TCF7L2: variants seen among roughly 807,000 people sequenced by gnomAD.
TCF7L2 encodes transcription factor 7 like 2.
A neutral mutation model predicts 77.9 loss-of-function variants in TCF7L2; 23 were observed. The ratio of observed to expected loss-of-function variants is 0.30; its 90% CI spans 0.21 to 0.42. The LOEUF (loss-of-function observed/expected upper bound fraction) is 0.42, where lower values mean the gene tolerates loss of function less well. Ranked by LOEUF, TCF7L2 falls within the 10% of genes least tolerant of loss-of-function variation. The pLI is 1.00. For missense variants in TCF7L2, 654 were observed against 793.1 expected (o/e 0.82, Z 2.11); for synonymous variants, 413 against 340.2 (o/e 1.21, Z -2.36).
intron 4 of TCF7L2, among the ~76,000 whole-genome samples, chr10:113,029,236 T>A (rs987193269): frequency 1.3e-5 from 2 of 152,208 alleles, no homozygotes; most frequent in African/African-American, 4.8e-5. Flanking sequence ...TCTGTTGTTT[T>A]TTAGCCACAT....
chr10:113,089,493 A>T, intron 5 of TCF7L2: 1 of 1,613,920 alleles, frequency 6.2e-7, no homozygotes, highest in Non-Finnish European at 8.5e-7. Context: ...CAGGGACATG[A>T]AAAGGAGCCA....
chr10:112,965,449 A>C (rs1433532102), intron 4 of TCF7L2, among the ~76,000 whole-genome samples: 1 of 152,092 alleles, frequency 6.6e-6, no homozygotes, highest in African/African-American at 2.4e-5. Context: ...AAACTTCTTG[A>C]GTGTTCTGGC....
rs760599810 is a variant in TCF7L2, at chr10:113,165,980, G to A, written c.*8G>A. 2.1e-5 allele frequency: 31 copies of A among 1,492,956 alleles called. No individual in the cohort carries two copies. Among genetic ancestry groups the A allele is most frequent in the Non-Finnish European group, 2.7e-5 (30 of 1,119,810 alleles). 92.5% of individuals were successfully genotyped at this position (1,492,956 alleles called of 1,614,324 possible). On this transcript the variant is annotated 3_prime_UTR_variant, in exon 14 of 14. Transcript: ENST00000627217. ...ACCAAGTCTTTAGAATAGCTTTAGC[G>A]TCGTGAACCCCGCTGCTTTGTTTAT...
intron 5 of TCF7L2, among the ~76,000 whole-genome samples, chr10:113,099,725 A>G (rs958551359): frequency 2.0e-5 from 3 of 152,194 alleles, no homozygotes; most frequent in Non-Finnish European, 2.9e-5. Flanking sequence ...TGGGGAAGGT[A>G]ACAGCCATCG....
At chr10:113,099,186 A>G (rs1189531119) in intron 5 of TCF7L2, among the ~76,000 whole-genome samples, 2 of 88,574 alleles carry the variant, frequency 2.3e-5, no homozygotes, top group Non-Finnish European at 6.3e-5. Context: ...ACAGTGGCCA[A>G]AGAAAAAAAT....
chr10:113,063,690 C>T (rs2056833070), intron 5 of TCF7L2, among the ~76,000 whole-genome samples: 1 of 152,132 alleles, frequency 6.6e-6, no homozygotes, highest in Non-Finnish European at 1.5e-5. Context: ...AACCCCCACA[C>T]CCGGGTGATT....
At chr10:113,079,087 G>T (rs1279542552) in intron 5 of TCF7L2, among the ~76,000 whole-genome samples, 1 of 152,118 alleles carries the variant, frequency 6.6e-6, no homozygotes, top group Non-Finnish European at 1.5e-5. Flanking sequence ...ACCCATCCTG[G>T]CCTCCCAAAG....
chr10:113,089,630 C>T, intron 5 of TCF7L2: 1 of 1,475,064 alleles, frequency 6.8e-7, no homozygotes. Flanking sequence ...AGGGCAGGGC[C>T]CATCCACTGC....
chr10:113,031,480 C>CT lies in TCF7L2; in HGVS notation c.451-8526dup, dbSNP rs57567068. Reference sequence around the variant, plus strand: ...CAGCAAGGTTTGGATACTGTGCAACCTTTTTTTTTTTTTTTTTTTCCTTTT... The same window carrying CT: ...CAGCAAGGTTTGGATACTGTGCAACCTTTTTTTTTTTTTTTTTTTTCCTTTT... On this transcript the variant is annotated intron_variant, in intron 4 of 13. Coordinates refer to ENST00000627217, the MANE Select transcript of TCF7L2 (RefSeq NM_001146274.2). Among the ~76,000 whole-genome samples, 588 of 134,828 alleles carry CT rather than the reference C, an allele frequency of 4.4e-3. 4 individuals are homozygous for CT. The highest frequency in any genetic ancestry group is 0.027 in the South Asian group (114 of 4,152). 88.5% of individuals were successfully genotyped at this position (134,828 alleles called of 152,430 possible). A position where few individuals can be genotyped will look rare whatever the true frequency, so the allele number is the denominator to read the frequency against.
intron 4 of TCF7L2, among the ~76,000 whole-genome samples, chr10:113,024,782 G>GCT (rs1360446915): frequency 2.0e-5 from 3 of 151,770 alleles, no homozygotes; most frequent in Non-Finnish European, 4.4e-5. Flanking sequence ...ACCACGCACA[G>GCT]CTAATTTTTG....
intron 5 of TCF7L2, among the ~76,000 whole-genome samples, chr10:113,114,661 A>T (rs989772468): frequency 5.3e-5 from 8 of 152,230 alleles, no homozygotes; most frequent in African/African-American, 1.9e-4. Context: ...AGTGTAACCT[A>T]ACACATTTAG....
At position 113,025,816 on chromosome 10, in the gene TCF7L2, T is replaced by G. The variant is rs74337958; in HGVS notation, c.451-14209T>G. ...CATTTTTTCAAAGCCCCAGAAGTACTAAGCCGCAGATTCTGAATTTGAACT... is the reference window on the plus strand; with the variant it reads ...CATTTTTTCAAAGCCCCAGAAGTACGAAGCCGCAGATTCTGAATTTGAACT... On this transcript the variant is annotated intron_variant, in intron 4 of 13. Transcript: ENST00000627217. Among the ~76,000 whole-genome samples the G allele has an allele frequency of 2.4e-3, 365 of 152,270 alleles. 12 individuals carry two copies. In the East Asian group the frequency reaches 0.045, roughly 19 times the overall value.
intron 5 of TCF7L2, among the ~76,000 whole-genome samples, chr10:113,116,151 A>C (rs2063707307): frequency 6.6e-6 from 1 of 152,204 alleles, no homozygotes; most frequent in Non-Finnish European, 1.5e-5. Context: ...ATAGTTTATC[A>C]TGATAATCTG....
intron 5 of TCF7L2, among the ~76,000 whole-genome samples, chr10:113,096,652 G>A (rs1312263695): frequency 1.3e-5 from 2 of 152,108 alleles, no homozygotes; most frequent in Non-Finnish European, 2.9e-5. Flanking sequence ...GGCCTCTTCT[G>A]TGGGGGCCAA....
chr10:113,119,071 G>C (rs975657235), intron 5 of TCF7L2, among the ~76,000 whole-genome samples: 2 of 152,196 alleles, frequency 1.3e-5, no homozygotes, highest in Non-Finnish European at 2.9e-5. Context: ...AAAATGTCAT[G>C]TGTGAACCAG....
At chr10:113,033,225 TTCTCTC>T (rs146477223) in intron 4 of TCF7L2, among the ~76,000 whole-genome samples, 1 of 149,174 alleles carries the variant, frequency 6.7e-6, no homozygotes, top group Non-Finnish European at 1.5e-5. Context: ...CTTCTGCTGC[TTCTCTC>T]TCTCTCTCTC....
chr10:112,976,077 C>G (rs1427651068), intron 4 of TCF7L2, among the ~76,000 whole-genome samples: 2 of 152,160 alleles, frequency 1.3e-5, no homozygotes, highest in Admixed American at 6.6e-5. Flanking sequence ...AGTGTCGGCT[C>G]TGCTAAGCTT....
chr10:113,077,408 G>C (rs1266463220), intron 5 of TCF7L2, among the ~76,000 whole-genome samples: 4 of 152,124 alleles, frequency 2.6e-5, no homozygotes, highest in African/African-American at 9.7e-5. Flanking sequence ...TATATTTGCA[G>C]AACTATGCAA....
rs1264066389 is a variant in TCF7L2, at chr10:113,165,574, C to T, written c.1411C>T (p.Arg471Cys). The T allele has an allele frequency of 4.3e-6, 7 of 1,613,944 alleles. No homozygotes were observed. Among genetic ancestry groups the T allele is most frequent in the Non-Finnish European group, 5.9e-6 (7 of 1,179,932 alleles). Residue 471 changes from arginine to cysteine, a missense_variant, in exon 14 of 14, where the codon CGC (arginine) becomes TGC (cysteine). Arg to Cys is a radical substitution (Grantham distance 180). Coordinates refer to ENST00000627217, the MANE Select transcript of TCF7L2 (RefSeq NM_001146274.2). ...TTCTAGGAGAAAAAAAAAGTGCGTT[C>T]GCTACATACAAGGTGAAGGCAGCTG...
Sources: gnomAD v4.1 joint callset for allele counts (sites outside exome capture counted in the v4.1 genomes callset) on GRCh38, gnomAD v4.1.1 for gene constraint, MANE v1.5 for transcripts, NCBI Gene and HGNC (gene_info 2026-07-23, HGNC 2026-07-21) for gene names.